The following WDPCP variants were observed in gnomAD, a reference collection of about 807,000 sequenced individuals.
WDPCP encodes the protein WD repeat containing planar cell polarity effector.
In WDPCP, 71 loss-of-function variants were observed where a neutral mutation model predicts 93.1. The observed-to-expected ratio is 0.76, with a 90% CI of 0.63 to 0.93. The LOEUF (loss-of-function observed/expected upper bound fraction) is 0.93. WDPCP is among the 40% of genes least tolerant of loss of function. The pLI is 0.00. For missense variants in WDPCP, 844 were observed against 887.4 expected (o/e 0.95, Z 0.62); for synonymous variants, 315 against 315.0 (o/e 1.00, Z 0.00).
chr2:63,458,672 C>T (rs538825056), intron 6 of WDPCP, among the ~76,000 whole-genome samples: 6 of 152,062 alleles, frequency 3.9e-5, no homozygotes, highest in Non-Finnish European at 8.8e-5. Context: ...CTATCCAAAG[C>T]AATCTACAGA....
intron 14 of WDPCP, among the ~76,000 whole-genome samples, chr2:63,245,627 T>C (rs766096856): frequency 5.3e-5 from 8 of 152,156 alleles, no homozygotes; most frequent in South Asian, 2.1e-4. Context: ...TCCATCAGTA[T>C]TGCAGTGAAC....
At chr2:63,763,591 C>T (rs1303356063) in intron 2 of WDPCP, among the ~76,000 whole-genome samples, 1 of 151,422 alleles carries the variant, frequency 6.6e-6, no homozygotes, top group Non-Finnish European at 1.5e-5. Flanking sequence ...CCAAAATACA[C>T]ATGTTGTTAA....
At chr2:63,279,110 G>A (rs1683312534) in intron 13 of WDPCP, among the ~76,000 whole-genome samples, 1 of 151,876 alleles carries the variant, frequency 6.6e-6, no homozygotes, top group Non-Finnish European at 1.5e-5. Flanking sequence ...AGGGAAAGAG[G>A]GAATCCTCCC....
At chr2:63,145,532 G>A (rs937889065) in intron 17 of WDPCP, among the ~76,000 whole-genome samples, 3 of 152,152 alleles carry the variant, frequency 2.0e-5, no homozygotes, top group Non-Finnish European at 4.4e-5. Context: ...TCTCAGGGAA[G>A]TAGGGGAAAG....
chr2:63,170,963 G>A (rs1673340609), intron 15 of WDPCP, among the ~76,000 whole-genome samples: 1 of 151,864 alleles, frequency 6.6e-6, no homozygotes, highest in Non-Finnish European at 1.5e-5. Context: ...CAATTCAGTG[G>A]GGAAAATGAG....
At chr2:63,555,920 G>T (rs1013618758) in intron 1 of WDPCP, among the ~76,000 whole-genome samples, 1 of 152,106 alleles carries the variant, frequency 6.6e-6, no homozygotes, top group Non-Finnish European at 1.5e-5. Flanking sequence ...AAAAAATGCT[G>T]AAAAATAAAA....
intron 3 of WDPCP, among the ~76,000 whole-genome samples, chr2:63,625,009 C>T (rs1246573982): frequency 2.6e-5 from 4 of 152,190 alleles, no homozygotes; most frequent in African/African-American, 9.7e-5. Context: ...CCCTGGGACA[C>T]AAGGCTGGTT....
intron 9 of WDPCP, among the ~76,000 whole-genome samples, chr2:63,431,737 CATA>C (rs1309668783): frequency 2.0e-5 from 3 of 152,020 alleles, no homozygotes; most frequent in African/African-American, 7.2e-5. Context: ...ATACTTTTTG[CATA>C]ATGACTTTCA....
chr2:63,732,915 A>G (rs1446978034), intron 2 of WDPCP, among the ~76,000 whole-genome samples: 9 of 152,218 alleles, frequency 5.9e-5, no homozygotes, highest in East Asian at 3.8e-4. Context: ...CAGATATGTA[A>G]AAAGTCAGGA....
At chr2:63,280,886 C>T (rs1357128449) in intron 13 of WDPCP, among the ~76,000 whole-genome samples, 1 of 152,122 alleles carries the variant, frequency 6.6e-6, no homozygotes, top group Admixed American at 6.5e-5. Context: ...TAGAAGATAA[C>T]ATCAGAGAAA....
intron 1 of WDPCP, among the ~76,000 whole-genome samples, chr2:63,820,850 A>C (rs1671007755): frequency 1.3e-5 from 2 of 152,306 alleles, no homozygotes; most frequent in East Asian, 3.9e-4. Flanking sequence ...AAAGTAAAAA[A>C]AACAACAAAC....
chr2:63,472,778 T>G (rs1699769266), intron 6 of WDPCP, among the ~76,000 whole-genome samples: 1 of 152,168 alleles, frequency 6.6e-6, no homozygotes, highest in Admixed American at 6.5e-5. Context: ...CAGGCTGGTC[T>G]GGAACTCCTG....
intron 2 of WDPCP, among the ~76,000 whole-genome samples, chr2:63,707,463 G>T (rs2103736047): frequency 6.6e-6 from 1 of 152,206 alleles, no homozygotes; most frequent in East Asian, 1.9e-4. Flanking sequence ...CTCGTGCCAT[G>T]GTTTTCAGCT....
intron 1 of WDPCP, among the ~76,000 whole-genome samples, chr2:63,814,826 G>C (rs1670907535): frequency 6.6e-6 from 1 of 152,156 alleles, no homozygotes; most frequent in South Asian, 2.1e-4. Context: ...TCATCCTGTG[G>C]ATAATTGGGT....
At chr2:63,622,160 G>A (rs1709747768) in intron 3 of WDPCP, 20 of 1,577,290 alleles carry the variant, frequency 1.3e-5, no homozygotes, top group Non-Finnish European at 1.7e-5. Context: ...GGTTGCTGTG[G>A]TGGTGGTGGG....
At chr2:63,835,326 G>T in the WDPCP span, among the ~76,000 whole-genome samples, 1 of 147,640 alleles carries the variant, frequency 6.8e-6, no homozygotes, top group Non-Finnish European at 1.5e-5. Context: ...GGAGGCAGAG[G>T]TTGCAGTGAG....
chr2:63,753,564 T>C (rs1405525154), intron 2 of WDPCP, among the ~76,000 whole-genome samples: 1 of 152,122 alleles, frequency 6.6e-6, no homozygotes, highest in Non-Finnish European at 1.5e-5. Flanking sequence ...AAATTTACAA[T>C]TATGGCAGAA....
chr2:63,575,438 A>AGTATATACG (rs1707931961), intron 1 of WDPCP, among the ~76,000 whole-genome samples: 1 of 96,942 alleles, frequency 1.0e-5, no homozygotes, highest in African/African-American at 5.0e-5. Flanking sequence ...GTGTATATAC[A>AGTATATACG]GTGTATACAC....
chr2:63,575,572 A>AC (rs1708051411), intron 1 of WDPCP, among the ~76,000 whole-genome samples: 1 of 144,676 alleles, frequency 6.9e-6, no homozygotes, highest in Non-Finnish European at 1.5e-5. Flanking sequence ...TATACTATAT[A>AC]ACTAAAGATC....
Sources: allele counts gnomAD v4.1 joint callset (sites outside exome capture counted in the v4.1 genomes callset), GRCh38; gene constraint gnomAD v4.1.1; transcripts MANE v1.5; gene names NCBI Gene and HGNC (gene_info 2026-07-23, HGNC 2026-07-21).